ZCCHC7: variants seen among roughly 807,000 people sequenced by gnomAD.
The protein encoded by ZCCHC7 is zinc finger CCHC-type containing 7.
Under a neutral mutation model 52.0 loss-of-function variants are expected in ZCCHC7, and 35 were observed. That is an observed-to-expected ratio of 0.67 (90% CI 0.51 to 0.89). ZCCHC7 has a LOEUF of 0.89. Ranked by LOEUF, ZCCHC7 falls within the 40% of genes least tolerant of loss-of-function variation. The pLI is 0.00. For synonymous variants in ZCCHC7, 217 were observed against 221.5 expected, an observed-to-expected ratio of 0.98 and a Z score of 0.18; for missense variants, 574 against 649.1, an observed-to-expected ratio of 0.88 and a Z score of 1.26.
intron 2 of ZCCHC7, among the ~76,000 whole-genome samples, chr9:37,180,347 G>T (rs1052648480): frequency 3.9e-5 from 6 of 152,028 alleles, no homozygotes; most frequent in Non-Finnish European, 8.8e-5. Flanking sequence ...AAAAGACATT[G>T]CATACTGTTA....
At chr9:37,203,304 A>G (rs1823730995) in intron 2 of ZCCHC7, among the ~76,000 whole-genome samples, 1 of 152,128 alleles carries the variant, frequency 6.6e-6, no homozygotes, top group Non-Finnish European at 1.5e-5. Context: ...ATTTTTCTTT[A>G]AAAAATTTTT....
chr9:37,171,315 GT>G (rs1304305976), intron 2 of ZCCHC7, among the ~76,000 whole-genome samples: 1 of 152,170 alleles, frequency 6.6e-6, no homozygotes, highest in Non-Finnish European at 1.5e-5. Context: ...CTATAGCATT[GT>G]TTCTTGCTGG....
chr9:37,183,631 G>A (rs13290794), intron 2 of ZCCHC7, among the ~76,000 whole-genome samples: 44,552 of 152,052 alleles, frequency 0.29, 7,095 homozygotes, highest in Middle Eastern at 0.4. Context: ...CAGTTAATTT[G>A]CTTCAGTTTA....
At chr9:37,199,742 G>A (rs1029715907) in intron 2 of ZCCHC7, among the ~76,000 whole-genome samples, 1 of 150,644 alleles carries the variant, frequency 6.6e-6, no homozygotes, top group Non-Finnish European at 1.5e-5. Flanking sequence ...TTTTCTCTCT[G>A]TTGTCCAGGC....
At chr9:37,222,860 G>A (rs1460180603) in intron 2 of ZCCHC7, among the ~76,000 whole-genome samples, 1 of 152,094 alleles carries the variant, frequency 6.6e-6, no homozygotes, top group Non-Finnish European at 1.5e-5. Context: ...CTCTAGTGGG[G>A]AATGTGGGCC....
chr9:37,122,898 C>G (rs2132663935), intron 1 of ZCCHC7, among the ~76,000 whole-genome samples: 1 of 152,352 alleles, frequency 6.6e-6, no homozygotes, highest in East Asian at 1.9e-4. Flanking sequence ...GATTGCGCCA[C>G]TGCACTCTCA....
At chr9:37,121,157 C>T (rs1236122280) in intron 1 of ZCCHC7, among the ~76,000 whole-genome samples, 2 of 152,176 alleles carry the variant, frequency 1.3e-5, no homozygotes, top group African/African-American at 2.4e-5. Context: ...TTTATCCCTC[C>T]CATCCTGTGA....
intron 2 of ZCCHC7, among the ~76,000 whole-genome samples, chr9:37,281,210 C>T (rs1276917564): frequency 6.6e-6 from 1 of 152,182 alleles, no homozygotes; most frequent in Non-Finnish European, 1.5e-5. Flanking sequence ...GAGACAGTGT[C>T]TCCCTATATT....
At chr9:37,255,536 A>T (rs1431573067) in intron 2 of ZCCHC7, among the ~76,000 whole-genome samples, 2 of 152,120 alleles carry the variant, frequency 1.3e-5, no homozygotes, top group African/African-American at 2.4e-5. Context: ...TGGAATTTTC[A>T]TATAATATTT....
intron 2 of ZCCHC7, among the ~76,000 whole-genome samples, chr9:37,298,097 A>G (rs758854427): frequency 2.0e-5 from 3 of 152,240 alleles, no homozygotes; most frequent in Non-Finnish European, 2.9e-5. Context: ...GTGTAAGCAT[A>G]ATGGACAGGG....
At chr9:37,295,018 T>G (rs2133655267) in intron 2 of ZCCHC7, among the ~76,000 whole-genome samples, 1 of 152,336 alleles carries the variant, frequency 6.6e-6, no homozygotes, top group South Asian at 2.1e-4. Flanking sequence ...ATACCTATGG[T>G]AACTAAGCAA....
Position 37,287,999 on chromosome 9 carries a change from C to T in ZCCHC7, c.611-14189C>T, listed in dbSNP as rs1186847053. 2.6e-5 allele frequency among the ~76,000 whole-genome samples: 4 copies of T among 151,818 alleles called. No homozygotes were observed. In the East Asian group the frequency reaches 7.7e-4, roughly 29 times the overall value. ...CTTCTGTCAATATTCTGTCTAGAGGCTGGGTGCAGTGGCTCATGCCTGTAA... is the reference window on the plus strand; with the variant it reads ...CTTCTGTCAATATTCTGTCTAGAGGTTGGGTGCAGTGGCTCATGCCTGTAA... On this transcript the variant is annotated intron_variant, in intron 2 of 8. Coordinates refer to ENST00000336755, the MANE Select transcript of ZCCHC7 (RefSeq NM_032226.3).
At chr9:37,126,223 C>A in intron 1 of ZCCHC7, 89 bp from the exon 2 acceptor site, 1 of 1,216,780 alleles carries the variant, frequency 8.2e-7, no homozygotes, top group Non-Finnish European at 1.1e-6. Flanking sequence ...TTCATATTAG[C>A]AGTTGTCACT....
chr9:37,235,535 CCCCCTCCCCT>C (rs1246801186), intron 2 of ZCCHC7, among the ~76,000 whole-genome samples: 14 of 77,954 alleles, frequency 1.8e-4, no homozygotes, highest in African/African-American at 6.5e-4. Context: ...CCTTCCCCTC[CCCCCTCCCCT>C]CCCCTCCCCT....
intron 2 of ZCCHC7, among the ~76,000 whole-genome samples, chr9:37,137,284 A>T (rs1287774621): frequency 2.0e-5 from 3 of 152,226 alleles, no homozygotes; most frequent in African/African-American, 7.2e-5. Flanking sequence ...TAAAAAGTAG[A>T]TAGGCAAAGT....
intron 2 of ZCCHC7, among the ~76,000 whole-genome samples, chr9:37,281,403 G>A (rs1373345188): frequency 6.6e-6 from 1 of 152,252 alleles, no homozygotes; most frequent in African/African-American, 2.4e-5. Flanking sequence ...TTTTGTGTGT[G>A]TTTTCCTCTT....
intron 2 of ZCCHC7, among the ~76,000 whole-genome samples, chr9:37,142,479 A>G (rs1843271219): frequency 6.6e-6 from 1 of 151,782 alleles, no homozygotes; most frequent in Non-Finnish European, 1.5e-5. Context: ...CAAGAAATAA[A>G]TAGCATCATT....
intron 2 of ZCCHC7, among the ~76,000 whole-genome samples, chr9:37,259,121 T>C (rs10973274): frequency 0.2 from 30,048 of 152,136 alleles, 3,214 homozygotes; most frequent in African/African-American, 0.27. Context: ...GGGCTGGTTA[T>C]ACAATTTGTG....
intron 5 of ZCCHC7, among the ~76,000 whole-genome samples, chr9:37,306,612 C>T (rs1274714739): frequency 1.3e-5 from 2 of 149,990 alleles, no homozygotes; most frequent in African/African-American, 2.5e-5. Context: ...ATTACAGGCA[C>T]GTGCCACCAC....
Sources: gnomAD v4.1 joint callset for allele counts (sites outside exome capture counted in the v4.1 genomes callset) on GRCh38, gnomAD v4.1.1 for gene constraint, MANE v1.5 for transcripts, NCBI Gene and HGNC (gene_info 2026-07-23, HGNC 2026-07-21) for gene names.